The following KCND2 variants were observed in gnomAD, a reference collection of about 807,000 sequenced individuals.
KCND2 encodes the protein potassium voltage-gated channel subfamily D member 2, also known as A-type voltage-gated potassium channel KCND2.
A neutral mutation model predicts 54.4 loss-of-function variants in KCND2; 16 were observed. The ratio of observed to expected loss-of-function variants is 0.29; its 90% CI spans 0.20 to 0.45. The LOEUF (loss-of-function observed/expected upper bound fraction) is 0.45, where lower values mean the gene tolerates loss of function less well. KCND2 is among the 20% of genes least tolerant of loss of function. The pLI is 1.00. For missense variants in KCND2, 486 were observed against 824.2 expected, an observed-to-expected ratio of 0.59 and a Z score of 5.02; for synonymous variants, 317 against 310.7, an observed-to-expected ratio of 1.02 and a Z score of -0.21.
chr7:120,491,789 G>C (rs1802783711), intron 1 of KCND2, among the ~76,000 whole-genome samples: 1 of 151,884 alleles, frequency 6.6e-6, no homozygotes, highest in Non-Finnish European at 1.5e-5. Flanking sequence ...AAGTTTGAAA[G>C]TGTTACTACC....
At chr7:120,474,274 A>C in intron 1 of KCND2, among the ~76,000 whole-genome samples, 1 of 152,128 alleles carries the variant, frequency 6.6e-6, no homozygotes, top group East Asian at 1.9e-4. Context: ...TGCTCTGCCA[A>C]GCTTGTGTGA....
At position 120,283,355 on chromosome 7, in the gene KCND2, A is replaced by G. The variant is rs138389897; in HGVS notation, c.1115+7608A>G. Among the ~76,000 whole-genome samples the G allele has an allele frequency of 8.8e-3, 1,347 of 152,280 alleles. 24 individuals carry two copies. Among genetic ancestry groups the G allele is most frequent in the African/African-American group, 0.031 (1,268 of 41,562 alleles). ...GGGGAGCCATTAGAGAGTTGTGAGC[A>G]TGGTAGGGATAGGATATGATTTCTG... On this transcript the variant is annotated intron_variant, in intron 1 of 5. Transcript: ENST00000331113.
At chr7:120,668,982 G>A (rs1791960117) in intron 1 of KCND2, among the ~76,000 whole-genome samples, 1 of 152,024 alleles carries the variant, frequency 6.6e-6, no homozygotes, top group Non-Finnish European at 1.5e-5. Context: ...TTCTAAGGAA[G>A]AATTTTAACA....
At chr7:120,465,154 G>T (rs1802349010) in intron 1 of KCND2, among the ~76,000 whole-genome samples, 1 of 152,186 alleles carries the variant, frequency 6.6e-6, no homozygotes, top group Non-Finnish European at 1.5e-5. Flanking sequence ...AAAGGACAGA[G>T]ACAATGGGGC....
At chr7:120,680,890 C>CAGATATTTTAGCT (rs34012006) in intron 1 of KCND2, among the ~76,000 whole-genome samples, 3 of 151,558 alleles carry the variant, frequency 2.0e-5, no homozygotes, top group Non-Finnish European at 2.9e-5. Flanking sequence ...TTAAGCCATC[C>CAGATATTTTAGCT]AATACCCAAA....
intron 1 of KCND2, among the ~76,000 whole-genome samples, chr7:120,580,113 A>G (rs1433262084): frequency 6.6e-6 from 1 of 152,230 alleles, no homozygotes; most frequent in Non-Finnish European, 1.5e-5. Flanking sequence ...AATCAGTTGT[A>G]CTAGTTCAAT....
chr7:120,523,813 TTA>T (rs67534337), intron 1 of KCND2, among the ~76,000 whole-genome samples: 18 of 148,076 alleles, frequency 1.2e-4, no homozygotes, highest in African/African-American at 2.7e-4. Flanking sequence ...TAAAATTTAT[TTA>T]TATATATATA....
At chr7:120,582,216 G>A (rs916581226) in intron 1 of KCND2, among the ~76,000 whole-genome samples, 1 of 151,646 alleles carries the variant, frequency 6.6e-6, no homozygotes, top group Non-Finnish European at 1.5e-5. Context: ...CTTCCTCCTC[G>A]CTGTCCCTAA....
At chr7:120,329,465 A>G (rs1162695558) in intron 1 of KCND2, among the ~76,000 whole-genome samples, 1 of 152,126 alleles carries the variant, frequency 6.6e-6, no homozygotes, top group East Asian at 1.9e-4. Context: ...CCACCTGAAA[A>G]TTAAGTTAAA....
chr7:120,319,257 C>A (rs1799857048), intron 1 of KCND2, among the ~76,000 whole-genome samples: 1 of 151,932 alleles, frequency 6.6e-6, no homozygotes, highest in Non-Finnish European at 1.5e-5. Flanking sequence ...CTCAGGCATC[C>A]CTCCAGAATC....
intron 1 of KCND2, among the ~76,000 whole-genome samples, chr7:120,308,688 C>T (rs866604081): frequency 2.0e-5 from 3 of 152,240 alleles, no homozygotes; most frequent in Admixed American, 2.0e-4. Flanking sequence ...TCATATTGGT[C>T]TTGTTCAAAT....
intron 1 of KCND2, among the ~76,000 whole-genome samples, chr7:120,490,384 C>T (rs1453081624): frequency 6.6e-6 from 1 of 152,098 alleles, no homozygotes; most frequent in Non-Finnish European, 1.5e-5. Context: ...AGTTATTAGA[C>T]CAACTCTGAG....
chr7:120,362,669 C>T (rs1800608427), intron 1 of KCND2, among the ~76,000 whole-genome samples: 1 of 151,984 alleles, frequency 6.6e-6, no homozygotes, highest in South Asian at 2.1e-4. Flanking sequence ...GTCATTTATC[C>T]TTGGGCTTCA....
At chr7:120,677,121 T>G (rs1792070950) in intron 1 of KCND2, among the ~76,000 whole-genome samples, 1 of 152,150 alleles carries the variant, frequency 6.6e-6, no homozygotes, top group African/African-American at 2.4e-5. Context: ...CTGTCAGGAC[T>G]TAAGAGCAGA....
chr7:120,543,917 T>G (rs802338), intron 1 of KCND2, among the ~76,000 whole-genome samples: 10,081 of 151,974 alleles, frequency 0.066, 881 homozygotes, highest in East Asian at 0.45. Context: ...TCTATGAATT[T>G]TTTGATTATG....
chr7:120,456,045 T>C (rs1202409689), intron 1 of KCND2, among the ~76,000 whole-genome samples: 2 of 152,150 alleles, frequency 1.3e-5, no homozygotes, highest in Non-Finnish European at 2.9e-5. Flanking sequence ...TTGTTGATTA[T>C]TACTAAAAAA....
intron 1 of KCND2, among the ~76,000 whole-genome samples, chr7:120,553,966 T>G (rs1792131699): frequency 6.6e-6 from 1 of 152,224 alleles, no homozygotes; most frequent in South Asian, 2.1e-4. Context: ...TGGGATCATC[T>G]CTTCCTTTGA....
intron 1 of KCND2, among the ~76,000 whole-genome samples, chr7:120,678,881 T>C (rs1189555217): frequency 1.3e-5 from 2 of 151,004 alleles, no homozygotes; most frequent in Non-Finnish European, 3.0e-5. Context: ...CATAAAGAGT[T>C]CTGAAGCTTG....
intron 1 of KCND2, among the ~76,000 whole-genome samples, chr7:120,334,751 G>A (rs561698297): frequency 6.6e-6 from 1 of 152,306 alleles, no homozygotes; most frequent in East Asian, 1.9e-4. Flanking sequence ...TTCAGCAGTA[G>A]AAACAGTTTA....
Sources: allele counts gnomAD v4.1 joint callset (sites outside exome capture counted in the v4.1 genomes callset), GRCh38; gene constraint gnomAD v4.1.1; transcripts MANE v1.5; gene names NCBI Gene and HGNC (gene_info 2026-07-23, HGNC 2026-07-21).